The following TENM3 variants were observed in gnomAD, a reference collection of about 807,000 sequenced individuals.
TENM3 encodes the protein teneurin transmembrane protein 3, also known as teneurin-3.
A neutral mutation model predicts 255.1 loss-of-function variants in TENM3; 63 were observed. The ratio of observed to expected loss-of-function variants is 0.25; its 90% CI spans 0.20 to 0.30. The LOEUF (loss-of-function observed/expected upper bound fraction) is 0.30, where lower values mean the gene tolerates loss of function less well. TENM3 is among the 10% of genes least tolerant of loss of function. TENM3 has a pLI of 1.00. For missense variants in TENM3, 2,929 were observed against 3,461.1 expected (o/e 0.85, Z 3.86); for synonymous variants, 1,306 against 1,322.3 (o/e 0.99, Z 0.27).
intron 1 of TENM3, among the ~76,000 whole-genome samples, chr4:182,262,838 C>T (rs1355949453): frequency 2.6e-5 from 4 of 151,590 alleles, no homozygotes; most frequent in South Asian, 2.1e-4. Flanking sequence ...TTCAGCCTCC[C>T]GAGCAGCTGG....
chr4:181,999,842 T>C, the TENM3 span, among the ~76,000 whole-genome samples: 17 of 152,248 alleles, frequency 1.1e-4, 1 homozygote, highest in African/African-American at 4.1e-4. Flanking sequence ...TCAAACTAGG[T>C]CCTCCAATTT....
intron 11 of TENM3, among the ~76,000 whole-genome samples, chr4:182,684,139 GAA>G (rs1756384817): frequency 6.6e-6 from 1 of 151,454 alleles, no homozygotes; most frequent in African/African-American, 2.4e-5. Flanking sequence ...TTCATCAAAA[GAA>G]GAGGAAAAAT....
At chr4:181,731,075 A>T in the TENM3 span, among the ~76,000 whole-genome samples, 1 of 152,214 alleles carries the variant, frequency 6.6e-6, no homozygotes, top group African/African-American at 2.4e-5. Flanking sequence ...CAAGAGATGT[A>T]TGTCAGAACC....
At chr4:182,004,659 C>T in the TENM3 span, among the ~76,000 whole-genome samples, 7 of 152,160 alleles carry the variant, frequency 4.6e-5, no homozygotes, top group Non-Finnish European at 1.0e-4. Context: ...TACTGCCTTC[C>T]ACAATGGTTG....
chr4:182,360,319 G>A (rs543320122), intron 3 of TENM3, among the ~76,000 whole-genome samples: 143 of 129,890 alleles, frequency 1.1e-3, no homozygotes, highest in African/African-American at 4.2e-3. Context: ...TTGACAGTGG[G>A]GTGTTAAAGT....
the TENM3 span, among the ~76,000 whole-genome samples, chr4:182,015,392 T>C: frequency 1.1e-3 from 171 of 152,318 alleles, no homozygotes; most frequent in Non-Finnish European, 3.4e-4. Flanking sequence ...AGGTCGCATT[T>C]AAAAATAGCA....
At chr4:181,622,140 A>G in the TENM3 span, among the ~76,000 whole-genome samples, 1 of 152,274 alleles carries the variant, frequency 6.6e-6, no homozygotes, top group Admixed American at 6.5e-5. Context: ...ATTTCTCTGT[A>G]TTAGTCAGTC....
rs189829982 is a variant in TENM3, at chr4:182,730,059, A to G, written c.2586-141A>G. On this transcript the variant is annotated intron_variant, in intron 14 of 27. Transcript: ENST00000511685. ...TTAAAAGGGACATTGTCTTGGGAGT[A>G]TTTCAGGTCTGATTTTTGTGAATAA... 49 of 944,466 alleles carry G rather than the reference A, an allele frequency of 5.2e-5. No individual in the cohort carries two copies. The East Asian group carries it at 1.1e-3, about 21-fold the overall frequency. 58.5% of individuals were successfully genotyped at this position (944,466 alleles called of 1,614,324 possible).
At chr4:182,232,720 T>G (rs1294797600) in intron 1 of TENM3, among the ~76,000 whole-genome samples, 7 of 151,968 alleles carry the variant, frequency 4.6e-5, no homozygotes, top group African/African-American at 1.7e-4. Context: ...TATACATGAA[T>G]TCCCCCCTTC....
chr4:182,024,026 A>T, the TENM3 span, among the ~76,000 whole-genome samples: 1 of 152,220 alleles, frequency 6.6e-6, no homozygotes, highest in Non-Finnish European at 1.5e-5. Flanking sequence ...CATTGCAATA[A>T]TGCACTCATG....
At chr4:182,140,887 T>A (rs1282782680), upstream of TENM3, among the ~76,000 whole-genome samples, 1 of 152,018 alleles carries the variant, frequency 6.6e-6, no homozygotes, top group Non-Finnish European at 1.5e-5. Context: ...GGGGAGGCGG[T>A]GGAGCAGCAG....
intron 13 of TENM3, among the ~76,000 whole-genome samples, chr4:182,727,506 A>T (rs1400169569): frequency 6.6e-6 from 1 of 151,762 alleles, no homozygotes. Context: ...GTAAAGCCTG[A>T]CCTTAAAGGA....
chr4:182,113,114 T>C, the TENM3 span, among the ~76,000 whole-genome samples: 1 of 152,216 alleles, frequency 6.6e-6, no homozygotes, highest in Non-Finnish European at 1.5e-5. Flanking sequence ...TTTTAAATGA[T>C]TAAATGGTTT....
chr4:182,401,244 A>G (rs2151028999), intron 3 of TENM3, among the ~76,000 whole-genome samples: 1 of 152,186 alleles, frequency 6.6e-6, no homozygotes, highest in South Asian at 2.1e-4. Flanking sequence ...TTTTTTTCCC[A>G]TGGAACTAGA....
At chr4:182,624,638 C>A (rs73008946) in intron 4 of TENM3, among the ~76,000 whole-genome samples, 4,961 of 152,244 alleles carry the variant, frequency 0.033, 278 homozygotes, top group African/African-American at 0.11. Flanking sequence ...CCCTTTCTCC[C>A]CTCACACCAT....
chr4:181,877,956 G>A, the TENM3 span, among the ~76,000 whole-genome samples: 2 of 152,150 alleles, frequency 1.3e-5, no homozygotes, highest in Non-Finnish European at 2.9e-5. Flanking sequence ...GGCGTATGGC[G>A]TTTCTGTCAT....
chr4:181,702,895 G>A, the TENM3 span, among the ~76,000 whole-genome samples: 7 of 152,020 alleles, frequency 4.6e-5, no homozygotes, highest in South Asian at 4.2e-4. Flanking sequence ...TGACACTTAC[G>A]TAACATATGA....
At chr4:182,313,733 T>G (rs1284328294) in intron 1 of TENM3, among the ~76,000 whole-genome samples, 1 of 152,230 alleles carries the variant, frequency 6.6e-6, no homozygotes, top group Non-Finnish European at 1.5e-5. Context: ...TCCTGTTTTC[T>G]CTCTCTCAGG....
chr4:182,619,107 G>A (rs1179083381), intron 4 of TENM3, among the ~76,000 whole-genome samples: 2 of 152,064 alleles, frequency 1.3e-5, no homozygotes, highest in Non-Finnish European at 2.9e-5. Context: ...GACCCATAGA[G>A]GTATACATCA....
Sources: gnomAD v4.1 joint callset for allele counts (sites outside exome capture counted in the v4.1 genomes callset) on GRCh38, gnomAD v4.1.1 for gene constraint, MANE v1.5 for transcripts, NCBI Gene and HGNC (gene_info 2026-07-23, HGNC 2026-07-21) for gene names.